The following BBX variants were observed in gnomAD, a reference collection of about 807,000 sequenced individuals.
The protein encoded by BBX is BBX high mobility group box domain containing.
A neutral mutation model predicts 100.2 loss-of-function variants in BBX; 30 were observed. That is an observed-to-expected ratio of 0.30 (90% CI 0.22 to 0.41). The LOEUF (loss-of-function observed/expected upper bound fraction) is 0.41. Ranked by LOEUF, BBX falls within the 10% of genes least tolerant of loss-of-function variation. The pLI is 1.00. For missense variants in BBX, 1,023 were observed against 1,129.8 expected (o/e 0.91, Z 1.35); for synonymous variants, 376 against 388.1 (o/e 0.97, Z 0.37).
intron 12 of BBX, among the ~76,000 whole-genome samples, chr3:107,777,197 C>T (rs1427245566): frequency 6.6e-6 from 1 of 152,100 alleles, no homozygotes; most frequent in Non-Finnish European, 1.5e-5. Flanking sequence ...TAGGAACAAA[C>T]GTAGCATATG....
intron 2 of BBX, among the ~76,000 whole-genome samples, chr3:107,574,157 A>C (rs981291024): frequency 6.6e-6 from 1 of 152,266 alleles, no homozygotes; most frequent in African/African-American, 2.4e-5. Flanking sequence ...GAAGCAGGCA[A>C]TATGGTTAAG....
intron 2 of BBX, among the ~76,000 whole-genome samples, chr3:107,615,774 A>G (rs1476086369): frequency 6.6e-5 from 10 of 152,170 alleles, no homozygotes; most frequent in Admixed American, 6.5e-4. Context: ...TGAGATATTC[A>G]TTTAAAAGTA....
chr3:107,774,853 C>T lies in BBX; in HGVS notation c.2050C>T (p.Leu684Phe), dbSNP rs267599523. 8 of 1,612,904 alleles carry T rather than the reference C, an allele frequency of 5.0e-6. No individual in the cohort carries two copies. In the Admixed American group the frequency reaches 1.0e-4, roughly 20 times the overall value. Reference protein sequence around the residue: ...KKTKPKEDCLLGSAKLDEEFE... With the variant: ...KKTKPKEDCLFGSAKLDEEFE... ...GACAAAGCCAAAAGAAGACTGTCTC[C>T]TTGGGTAAGTGCCTGTGAGCACAGT... is the stretch of plus-strand genomic sequence containing the variant. The change falls in exon 12 of 18, where the codon CTT becomes TTT. Residue 684 changes from leucine (L) to phenylalanine (F), a missense_variant. Around this residue, in one of 9 missense-constraint regions of BBX, gnomAD observed 215 missense variants for 211.3 expected, o/e 1.02. Transcript: ENST00000325805.
At chr3:107,670,353 A>G (rs2107915102) in intron 3 of BBX, among the ~76,000 whole-genome samples, 1 of 152,284 alleles carries the variant, frequency 6.6e-6, no homozygotes, top group Non-Finnish European at 1.5e-5. Context: ...AATAAGTTCT[A>G]GTGTAATACT....
intron 2 of BBX, among the ~76,000 whole-genome samples, chr3:107,635,300 C>A (rs1478357860): frequency 6.6e-6 from 1 of 152,122 alleles, no homozygotes; most frequent in Admixed American, 6.5e-5. Flanking sequence ...CAAATGAGTC[C>A]ATGTTTTTAT....
At position 107,605,821 on chromosome 3, in the gene BBX, G is replaced by C. The variant is rs564855728; in HGVS notation, c.-83-40015G>C. ...CTTAGTACATAAGACATACTAGTAT[G>C]TAAGACATGCTTAATAATTACCTGG... On this transcript the variant is annotated intron_variant, in intron 2 of 17. Transcript: ENST00000325805. Among the ~76,000 whole-genome samples the C allele has an allele frequency of 8.5e-5, 13 of 152,294 alleles. No homozygotes were observed. In the South Asian group the frequency reaches 2.5e-3, roughly 29 times the overall value.
intron 3 of BBX, among the ~76,000 whole-genome samples, chr3:107,678,180 A>G (rs1479399525): frequency 1.3e-5 from 2 of 151,938 alleles, no homozygotes; most frequent in Non-Finnish European, 2.9e-5. Context: ...TGGAATTCTT[A>G]GTCACTATAA....
chr3:107,743,267 A>C (rs906854281), intron 7 of BBX, among the ~76,000 whole-genome samples: 7 of 152,182 alleles, frequency 4.6e-5, no homozygotes, highest in Non-Finnish European at 8.8e-5. Flanking sequence ...TGATTTTTTT[A>C]AAATACCTCT....
At position 107,593,773 on chromosome 3, in the gene BBX, G is replaced by A. The variant is rs143044045; in HGVS notation, c.-83-52063G>A. On this transcript the variant is annotated intron_variant, in intron 2 of 17. Coordinates refer to ENST00000325805, the MANE Select transcript of BBX (RefSeq NM_001142568.3). ...TGTAAGTGGAAAAACAAAACAAAAC[G>A]AAACAAACAAACAAAAAAAGTCCCC... 1.4e-3 allele frequency among the ~76,000 whole-genome samples: 219 copies of A among 152,144 alleles called. 2 individuals are homozygous for A. The highest frequency in any genetic ancestry group is 2.5e-3 in the Admixed American group (38 of 15,272).
intron 2 of BBX, among the ~76,000 whole-genome samples, chr3:107,533,765 A>G (rs1001909303): frequency 1.3e-5 from 2 of 152,230 alleles, no homozygotes; most frequent in African/African-American, 4.8e-5. Flanking sequence ...GGCTACTTTC[A>G]TTAATGGTTT....
chr3:107,587,248 G>A (rs1247723392), intron 2 of BBX, among the ~76,000 whole-genome samples: 4 of 151,346 alleles, frequency 2.6e-5, no homozygotes, highest in South Asian at 4.2e-4. Context: ...TTTGGTAGCT[G>A]AGGCAGAAGA....
intron 3 of BBX, among the ~76,000 whole-genome samples, chr3:107,706,992 TC>T (rs1427997706): frequency 3.9e-5 from 6 of 152,176 alleles, no homozygotes; most frequent in African/African-American, 1.4e-4. Flanking sequence ...TGAACATAGA[TC>T]CATAAGGAAT....
intron 2 of BBX, among the ~76,000 whole-genome samples, chr3:107,588,440 G>A (rs1471553918): frequency 6.6e-6 from 1 of 152,154 alleles, no homozygotes. Flanking sequence ...CTGGAGACAA[G>A]CCAGGAGCTA....
intron 2 of BBX, among the ~76,000 whole-genome samples, chr3:107,533,690 G>A (rs2048311372): frequency 1.3e-5 from 2 of 152,112 alleles, no homozygotes; most frequent in Admixed American, 1.3e-4. Flanking sequence ...ACTAAAATCT[G>A]CATAACATTT....
At chr3:107,543,148 A>C (rs1559792775) in intron 2 of BBX, among the ~76,000 whole-genome samples, 1 of 152,214 alleles carries the variant, frequency 6.6e-6, no homozygotes, top group African/African-American at 2.4e-5. Context: ...GATAACTTAA[A>C]TCCAAAGAGA....
chr3:107,745,646 G>T (rs1008455763), intron 8 of BBX, among the ~76,000 whole-genome samples: 2 of 151,616 alleles, frequency 1.3e-5, no homozygotes, highest in African/African-American at 2.4e-5. Context: ...TTTAAACAGG[G>T]TCTCACTATG....
intron 3 of BBX, chr3:107,674,684 A>G (rs920418894): frequency 6.6e-6 from 1 of 152,626 alleles, no homozygotes; most frequent in Non-Finnish European, 1.5e-5. Flanking sequence ...GTTTGTATAG[A>G]AGAGGAGCCA....
At position 107,737,884 on chromosome 3, in the gene BBX, GTTTTTTTTTTTT is replaced by G. The variant is rs1156396951; in HGVS notation, c.669+4880_669+4891del. ...GGACCAGAAGTACTTCAGAGTTCCA[GTTTTTTTTTTTT>G]TTTTTTTTTTTTTTTTTTAACTATT... On this transcript the variant is annotated intron_variant, in intron 7 of 17. Coordinates refer to ENST00000325805, the MANE Select transcript of BBX (RefSeq NM_001142568.3). Among the ~76,000 whole-genome samples the G allele has an allele frequency of 8.3e-3, 407 of 48,924 alleles. 1 individual carries two copies. Among genetic ancestry groups the G allele is most frequent in the Admixed American group, 0.012 (47 of 3,784 alleles). The allele number at this position is 48,924 out of a possible 152,430, so 32.1% of individuals were successfully genotyped here.
At chr3:107,729,054 T>G (rs1329245414) in intron 6 of BBX, 94 bp downstream of exon 6, 21 of 1,271,182 alleles carry the variant, frequency 1.7e-5, no homozygotes, top group Non-Finnish European at 2.1e-5. Flanking sequence ...GGGACAAAAT[T>G]TATAACCAAT....
Sources: allele counts gnomAD v4.1 joint callset (sites outside exome capture counted in the v4.1 genomes callset), GRCh38; gene constraint gnomAD v4.1.1; regional missense constraint gnomAD v4.1.1; transcripts MANE v1.5; gene names NCBI Gene and HGNC (gene_info 2026-07-23, HGNC 2026-07-21).